Variants in LRP8 observed in about 807,000 individuals in gnomAD.
LRP8 encodes low-density lipoprotein receptor-related protein 8.
In LRP8, 46 loss-of-function variants were observed where a neutral mutation model predicts 111.6. The ratio of observed to expected loss-of-function variants is 0.41; its 90% CI spans 0.33 to 0.53. The LOEUF is 0.53. Ranked by LOEUF, LRP8 falls within the 20% of genes least tolerant of loss-of-function variation. The pLI is 0.20. For missense variants in LRP8, 959 were observed against 1,297.4 expected, an observed-to-expected ratio of 0.74 and a Z score of 4.01; for synonymous variants, 464 against 511.2, an observed-to-expected ratio of 0.91 and a Z score of 1.24.
At chr1:53,313,623 C>T (rs955613554) in intron 2 of LRP8, among the ~76,000 whole-genome samples, 1 of 152,136 alleles carries the variant, frequency 6.6e-6, no homozygotes, top group Non-Finnish European at 1.5e-5. Flanking sequence ...CAGGTGAGGC[C>T]GGACAAGCAG....
Position 53,275,837 on chromosome 1 carries a change from G to A in LRP8, c.884-84C>T. The A allele has an allele frequency of 1.3e-6, 2 of 1,505,840 alleles. No individual in the cohort carries two copies. The highest frequency in any genetic ancestry group is 2.6e-5 in the South Asian group (2 of 78,232). The allele number at this position is 1,505,840 out of a possible 1,614,324, so 93.3% of individuals were successfully genotyped here. A position where few individuals can be genotyped will look rare whatever the true frequency, so the allele number is the denominator to read the frequency against. ...CCACCACCCCAATCCCCATGCCATA[G>A]CCACCCCCAGCAAAAACAGAACCAG... On this transcript the variant is annotated intron_variant, in intron 5 of 18. Coordinates refer to ENST00000306052, the MANE Select transcript of LRP8 (RefSeq NM_004631.5). This position sits in a 1 kb window ranked among gnomAD's most constrained non-coding sequence, Gnocchi z 4.4.
At chr1:53,318,039 A>G (rs566957840) in intron 2 of LRP8, among the ~76,000 whole-genome samples, 1 of 152,340 alleles carries the variant, frequency 6.6e-6, no homozygotes, top group East Asian at 1.9e-4. Context: ...CAGGCACAGG[A>G]GTCTGCTCCA....
chr1:53,327,742 G>A, intron 1 of LRP8, 47 bp downstream of exon 1: 1 of 1,417,830 alleles, frequency 7.1e-7, no homozygotes, highest in Non-Finnish European at 9.3e-7. Context: ...GCGCTTTGTT[G>A]GTGGCTAGGG....
At chr1:53,304,089 C>A (rs1381933079) in intron 2 of LRP8, among the ~76,000 whole-genome samples, 3 of 152,192 alleles carry the variant, frequency 2.0e-5, no homozygotes, top group Non-Finnish European at 4.4e-5. Flanking sequence ...TGAATTCCAA[C>A]TTGCTGAGCG....
Position 53,247,008 on chromosome 1 carries a change from G to T in LRP8, c.*10C>A. 2.5e-6 allele frequency: 4 copies of T among 1,605,646 alleles called. No individual in the cohort carries two copies. The highest frequency in any genetic ancestry group is 3.4e-6 in the Non-Finnish European group (4 of 1,176,460). ...GAATTCCATGAGGCACGAAGGGGGT[G>T]ATCCCATCCTCAGGGTAGTCCATCA... On this transcript the variant is annotated 3_prime_UTR_variant, in exon 19 of 19. Coordinates refer to ENST00000306052, the MANE Select transcript of LRP8 (RefSeq NM_004631.5).
intron 2 of LRP8, among the ~76,000 whole-genome samples, chr1:53,298,425 G>A (rs950269234): frequency 6.6e-6 from 1 of 152,184 alleles, no homozygotes; most frequent in African/African-American, 2.4e-5. Context: ...CCTGCAAAGG[G>A]ACCAAGCATT....
chr1:53,250,463 G>A lies in LRP8; in HGVS notation c.2676+227C>T, dbSNP rs989011773. 1.3e-5 allele frequency among the ~76,000 whole-genome samples: 2 copies of A among 151,368 alleles called. No homozygotes were observed. Among genetic ancestry groups the A allele is most frequent in the African/African-American group, 4.9e-5 (2 of 41,158 alleles). Reference sequence around the variant, plus strand: ...GATACATGGTGCGTTTTTGATAAATGTTTGAGGAAGGAAAGAAGGAGGAAG... The same window carrying A: ...GATACATGGTGCGTTTTTGATAAATATTTGAGGAAGGAAAGAAGGAGGAAG... On this transcript the variant is annotated intron_variant, in intron 17 of 18. Coordinates refer to ENST00000306052, the MANE Select transcript of LRP8 (RefSeq NM_004631.5). The surrounding 1 kb of genome is among the most constrained non-coding windows in gnomAD (Gnocchi z 4.6).
rs1021443039 is a variant in LRP8 at position 53,265,341 on chromosome 1, G to A, written c.1428-945C>T. Among the ~76,000 whole-genome samples the A allele has an allele frequency of 7.4e-4, 112 of 152,210 alleles. 1 individual carries two copies. The highest frequency in any genetic ancestry group is 2.7e-3 in the African/African-American group (110 of 41,508). On this transcript the variant is annotated intron_variant, in intron 9 of 18. Coordinates refer to ENST00000306052, the MANE Select transcript of LRP8 (RefSeq NM_004631.5). ...CAAAGCTAACTAGCTCCCCTTGGAT[G>A]TCCCATGGACACCTTGAACTCAATA... is the stretch of plus-strand genomic sequence containing the variant.
intron 15 of LRP8, among the ~76,000 whole-genome samples, chr1:53,255,625 G>A (rs905921499): frequency 1.8e-4 from 27 of 152,218 alleles, no homozygotes; most frequent in African/African-American, 6.3e-4. Context: ...TGAACTGTCT[G>A]TCCATCTGCA....
intron 3 of LRP8, among the ~76,000 whole-genome samples, chr1:53,282,477 T>G (rs952089279): frequency 1.3e-5 from 2 of 151,738 alleles, no homozygotes; most frequent in South Asian, 4.2e-4. Context: ...AAACTGGGAG[T>G]TGGGAGATGG....
At chr1:53,258,104 C>G in intron 14 of LRP8, 1 of 406,126 alleles carries the variant, frequency 2.5e-6, no homozygotes, top group Non-Finnish European at 4.4e-6. Context: ...TGTATATGTG[C>G]ATTTTTTCCT....
Position 53,293,990 on chromosome 1 carries a change from G to A in LRP8, c.245-4301C>T, listed in dbSNP as rs929969352. ...AGTGCAATGAGCCCAATAGTCCCTC[G>A]TGAAGAGACCATATCAGCCCTGCCA... On this transcript the variant is annotated intron_variant, in intron 2 of 18. Coordinates refer to ENST00000306052, the MANE Select transcript of LRP8 (RefSeq NM_004631.5). The surrounding 1 kb of genome is among the most constrained non-coding windows in gnomAD (Gnocchi z 4.9). 3.3e-5 allele frequency among the ~76,000 whole-genome samples: 5 copies of A among 152,176 alleles called. No individual in the cohort carries two copies. The highest frequency in any genetic ancestry group is 9.7e-5 in the African/African-American group (4 of 41,430).
rs779869405 is a variant in LRP8, at chr1:53,271,270, C to T, written c.1083G>A (p.Thr361=). 29 of 1,613,694 alleles carry T rather than the reference C, an allele frequency of 1.8e-5. No homozygotes were observed. Among genetic ancestry groups the T allele is most frequent in the African/African-American group, 2.7e-5 (2 of 74,770 alleles). Residue 361 remains threonine, a synonymous_variant, in exon 7 of 19, where the codon ACG becomes ACA. Coordinates refer to ENST00000306052, the MANE Select transcript of LRP8 (RefSeq NM_004631.5). ...CTDLKIGFEC[T]CPAGFQLLDQ... is the part of the protein sequence containing the mutation. ...CCAGGAGCTGGAAGCCTGCTGGGCA[C>T]GTGCATTCAAAGCCAATCTTGAGGT...
At chr1:53,319,224 A>G (rs1654180210) in intron 2 of LRP8, among the ~76,000 whole-genome samples, 2 of 152,126 alleles carry the variant, frequency 1.3e-5, no homozygotes, top group South Asian at 4.1e-4. Flanking sequence ...GCAGGTTGAG[A>G]GGGCTGGAAA....
At chr1:53,273,640 CT>C (rs1308406059) in intron 6 of LRP8, among the ~76,000 whole-genome samples, 5 of 152,252 alleles carry the variant, frequency 3.3e-5, no homozygotes, top group Non-Finnish European at 7.3e-5. Flanking sequence ...TTCCCTGTCT[CT>C]TTTTCCACAA....
chr1:53,291,230 G>A (rs74086835), intron 2 of LRP8, among the ~76,000 whole-genome samples: 8 of 152,220 alleles, frequency 5.3e-5, no homozygotes, highest in Middle Eastern at 3.4e-3. Flanking sequence ...CGGCAGGGGG[G>A]TCTCTTTTCA....
rs1220711399 is a variant in LRP8, at chr1:53,294,527, A to C, written c.245-4838T>G. 6.6e-6 allele frequency among the ~76,000 whole-genome samples: 1 copy of C among 152,216 alleles called. No homozygotes were observed. The highest frequency in any genetic ancestry group is 1.5e-5 in the Non-Finnish European group (1 of 68,036). On this transcript the variant is annotated intron_variant, in intron 2 of 18. Coordinates refer to ENST00000306052, the MANE Select transcript of LRP8 (RefSeq NM_004631.5). The surrounding 1 kb of genome is among the most constrained non-coding windows in gnomAD (Gnocchi z 4.1). ...TTTCTTCGTCTGCTTCACGGGACAC[A>C]CAGGGTCATTGTGAGAAGCAAATAA...
At chr1:53,272,565 C>T (rs1300698243) in intron 6 of LRP8, 1 of 1,291,884 alleles carries the variant, frequency 7.7e-7, no homozygotes, top group African/African-American at 1.5e-5. Context: ...GGTGCCCCCA[C>T]TTCCAGCCTG....
At chr1:53,253,984 C>T (rs1645985145) in intron 16 of LRP8, among the ~76,000 whole-genome samples, 1 of 152,108 alleles carries the variant, frequency 6.6e-6, no homozygotes, top group Non-Finnish European at 1.5e-5. Flanking sequence ...GGATCCTTGG[C>T]ACTTGGCACA....
Sources: gnomAD v4.1 joint callset for allele counts (sites outside exome capture counted in the v4.1 genomes callset) on GRCh38, gnomAD v4.1.1 for gene constraint, Gnocchi (gnomAD v3.1) non-coding constraint, MANE v1.5 for transcripts, NCBI Gene and HGNC (gene_info 2026-07-23, HGNC 2026-07-21) for gene names.